B4GALT6: variants seen among roughly 807,000 people sequenced by gnomAD.
The protein encoded by B4GALT6 is beta-1,4-galactosyltransferase 6, also known as UDP-Gal:beta-GlcNAc beta-1,4-galactosyltransferase 6.
Under a neutral mutation model 46.3 loss-of-function variants are expected in B4GALT6, and 14 were observed. The observed-to-expected ratio is 0.30, with a 90% CI of 0.20 to 0.47. B4GALT6 has a LOEUF of 0.47. Ranked by LOEUF, B4GALT6 falls within the 20% of genes least tolerant of loss-of-function variation. The pLI is 0.99. For missense variants in B4GALT6, 386 were observed against 480.1 expected (o/e 0.80, Z 1.83); for synonymous variants, 168 against 162.0 (o/e 1.04, Z -0.28).
chr18:31,641,388 A>G (rs1378404521), intron 4 of B4GALT6, among the ~76,000 whole-genome samples: 1 of 152,248 alleles, frequency 6.6e-6, no homozygotes, highest in African/African-American at 2.4e-5. Context: ...AATTTTAATG[A>G]GAGGGTTATT....
chr18:31,647,028 G>A (rs2073999257), intron 3 of B4GALT6, among the ~76,000 whole-genome samples: 1 of 152,192 alleles, frequency 6.6e-6, no homozygotes, highest in African/African-American at 2.4e-5. Flanking sequence ...CAGAGAAAGA[G>A]TAAGTAAAAT....
chr18:31,683,304 A>G (rs2074502339), intron 1 of B4GALT6, among the ~76,000 whole-genome samples: 1 of 152,308 alleles, frequency 6.6e-6, no homozygotes, highest in African/African-American at 2.4e-5. Context: ...GGGGCATTAC[A>G]TTTTTAGCTA....
chr18:31,680,605 G>C (rs554301074), intron 1 of B4GALT6, among the ~76,000 whole-genome samples: 73 of 152,316 alleles, frequency 4.8e-4, no homozygotes, highest in Non-Finnish European at 8.4e-4. Flanking sequence ...AAAGGTCAGG[G>C]CTTCTGGTGA....
At chr18:31,718,291 C>A in the B4GALT6 span, among the ~76,000 whole-genome samples, 1 of 152,186 alleles carries the variant, frequency 6.6e-6, no homozygotes, top group African/African-American at 2.4e-5. Flanking sequence ...GCCAGGGATG[C>A]TGCTGAACAT....
chr18:31,645,567 T>TAAGATATGCC, intron 3 of B4GALT6, 88 bp from the exon 4 acceptor site: 1 of 1,331,644 alleles, frequency 7.5e-7, no homozygotes, highest in Non-Finnish European at 1.0e-6. Context: ...GGTGATGGCA[T>TAAGATATGCC]ATCTTAGTTG....
At chr18:31,687,799 T>C (rs1308920074), upstream of B4GALT6, among the ~76,000 whole-genome samples, 1 of 152,244 alleles carries the variant, frequency 6.6e-6, no homozygotes, top group Non-Finnish European at 1.5e-5. Flanking sequence ...AATGGTTTTC[T>C]AGTTGTATTA....
rs58990857 is a variant in B4GALT6, at chr18:31,637,390, C to CTT, written c.588+1252_588+1253dup. Among the ~76,000 whole-genome samples, 138 of 116,006 alleles carry CTT rather than the reference C, an allele frequency of 1.2e-3. 2 individuals carry two copies. Among genetic ancestry groups the CTT allele is most frequent in the African/African-American group, 2.8e-3 (85 of 29,900 alleles). 76.1% of individuals were successfully genotyped at this position (116,006 alleles called of 152,430 possible). ...AGTTTAGTCTTCCATGCAATGTATG[C>CTT]TTTTTTTTTTTTTTTTTGACCTGTC... On this transcript the variant is annotated intron_variant, in intron 5 of 8. Coordinates refer to ENST00000306851, the MANE Select transcript of B4GALT6 (RefSeq NM_004775.5).
the B4GALT6 span, among the ~76,000 whole-genome samples, chr18:31,700,732 A>T: frequency 6.6e-6 from 1 of 152,116 alleles, no homozygotes; most frequent in Admixed American, 6.6e-5. Context: ...CTGGGATTGC[A>T]GGTGTGAGCC....
upstream of B4GALT6, chr18:31,686,596 C>T (rs1309259169): frequency 5.3e-5 from 8 of 152,188 alleles, no homozygotes; most frequent in Non-Finnish European, 1.2e-4. Flanking sequence ...CACAACTCAA[C>T]TTCTCTGGCT....
In B4GALT6 at chr18:31,624,204, A is replaced by G. The variant is rs1187669099; in HGVS notation, c.*1410T>C. 1 of 152,062 alleles carries G rather than the reference A, an allele frequency of 6.6e-6. No individual in the cohort carries two copies. The highest frequency in any genetic ancestry group is 1.5e-5 in the Non-Finnish European group (1 of 67,902). 9.4% of individuals were successfully genotyped at this position (152,062 alleles called of 1,614,324 possible). ...CTCATGCAAACATGTAAGATATTACATATAGAAGACATTATGGCATCAGTG... is the reference window on the plus strand; with the variant it reads ...CTCATGCAAACATGTAAGATATTACGTATAGAAGACATTATGGCATCAGTG... On this transcript the variant is annotated 3_prime_UTR_variant, in exon 9 of 9. Transcript: ENST00000306851.
At chr18:31,678,697 T>C (rs1044274808) in intron 1 of B4GALT6, among the ~76,000 whole-genome samples, 7 of 152,232 alleles carry the variant, frequency 4.6e-5, no homozygotes, top group African/African-American at 1.7e-4. Context: ...GACATGGATC[T>C]CCAAATATGG....
At chr18:31,702,881 T>C in the B4GALT6 span, among the ~76,000 whole-genome samples, 1 of 151,838 alleles carries the variant, frequency 6.6e-6, no homozygotes, top group African/African-American at 2.4e-5. Context: ...GGAGGGGAAA[T>C]GGGAGGTATG....
Position 31,624,287 on chromosome 18 carries a change from C to T in B4GALT6, c.*1327G>A, listed in dbSNP as rs2073657717. 1 of 151,848 alleles carries T rather than the reference C, an allele frequency of 6.6e-6. No individual in the cohort carries two copies. The highest frequency in any genetic ancestry group is 6.6e-5 in the Admixed American group (1 of 15,260). The allele number at this position is 151,848 out of a possible 1,614,324, so 9.4% of individuals were successfully genotyped here. On this transcript the variant is annotated 3_prime_UTR_variant, in exon 9 of 9. Coordinates refer to ENST00000306851, the MANE Select transcript of B4GALT6 (RefSeq NM_004775.5). ...TGCTATTAAATTATGCTTTTAGATA[C>T]TACATATAGAAGACATTATAATATC...
upstream of B4GALT6, among the ~76,000 whole-genome samples, chr18:31,685,060 G>T (rs1371888875): frequency 6.9e-6 from 1 of 145,974 alleles, no homozygotes; most frequent in African/African-American, 2.5e-5. Context: ...GGAGCTGGGC[G>T]CTCGCCTGCA....
intron 5 of B4GALT6, among the ~76,000 whole-genome samples, 188 bp downstream of exon 5, chr18:31,638,456 G>A (rs929091259): frequency 4.6e-5 from 7 of 152,120 alleles, no homozygotes; most frequent in African/African-American, 9.7e-5. Flanking sequence ...GAACCTGGGG[G>A]GCGGAGCTTG....
rs545664487 is a variant in B4GALT6, at chr18:31,678,415, T to C, written c.115+5897A>G. ...GCTAACTTAGGCTATCCAAAAAATT[T>C]CATCGCTCGTCTATACAGTATTCCT... On this transcript the variant is annotated intron_variant, in intron 1 of 8. Transcript: ENST00000306851. Among the ~76,000 whole-genome samples the C allele has an allele frequency of 2.0e-5, 3 of 152,268 alleles. No homozygotes were observed. The East Asian group carries it at 5.8e-4, about 29-fold the overall frequency.
the B4GALT6 span, among the ~76,000 whole-genome samples, chr18:31,716,053 G>C: frequency 6.6e-6 from 1 of 152,076 alleles, no homozygotes; most frequent in Non-Finnish European, 1.5e-5. Context: ...GGCATACCTA[G>C]GACCCAAACT....
intron 5 of B4GALT6, among the ~76,000 whole-genome samples, chr18:31,632,736 G>A (rs1052979212): frequency 1.3e-5 from 2 of 152,166 alleles, no homozygotes; most frequent in Non-Finnish European, 2.9e-5. Context: ...TCAGTGCTGA[G>A]TGAACTGTTT....
chr18:31,629,255 T>C (rs1184019509), intron 6 of B4GALT6, among the ~76,000 whole-genome samples: 2 of 152,128 alleles, frequency 1.3e-5, no homozygotes, highest in Admixed American at 6.5e-5. Flanking sequence ...TCAAAAGTTA[T>C]ACTAGATTTT....
Sources: allele counts gnomAD v4.1 joint callset (sites outside exome capture counted in the v4.1 genomes callset), GRCh38; gene constraint gnomAD v4.1.1; transcripts MANE v1.5; gene names NCBI Gene and HGNC (gene_info 2026-07-23, HGNC 2026-07-21).